CCDC102B: variants seen among roughly 807,000 people sequenced by gnomAD.
CCDC102B encodes coiled-coil domain containing 102B.
In CCDC102B, 75 loss-of-function variants were observed where a neutral mutation model predicts 57.4. That is an observed-to-expected ratio of 1.31 (90% CI 1.08 to 1.58). The LOEUF is 1.58. Ranked by LOEUF, CCDC102B falls within the 40% of genes most tolerant of loss-of-function variation. The probability of loss-of-function intolerance (pLI) is 0.00; values close to 1 mark genes in which losing one functional copy is unlikely to be tolerated. For synonymous variants in CCDC102B, 206 were observed against 201.9 expected (o/e 1.02, Z -0.17); for missense variants, 636 against 582.6 (o/e 1.09, Z -0.94).
chr18:68,813,767 T>A (rs1342659339), intron 1 of CCDC102B, among the ~76,000 whole-genome samples: 1 of 143,280 alleles, frequency 7.0e-6, no homozygotes, highest in East Asian at 2.1e-4. Context: ...CATATTAAAA[T>A]ATAATTTTAT....
At chr18:68,851,186 A>G (rs1408838112) in intron 4 of CCDC102B, among the ~76,000 whole-genome samples, 1 of 152,180 alleles carries the variant, frequency 6.6e-6, no homozygotes, top group African/African-American at 2.4e-5. Flanking sequence ...ACCTTTCTAA[A>G]CAGAGGCTAT....
At chr18:68,916,636 TA>T (rs1157324387) in intron 6 of CCDC102B, among the ~76,000 whole-genome samples, 2 of 152,164 alleles carry the variant, frequency 1.3e-5, no homozygotes, top group Non-Finnish European at 2.9e-5. Context: ...AGATAGGGGA[TA>T]TAAGGTTGGC....
At chr18:68,867,251 A>C (rs2039032689) in intron 4 of CCDC102B, among the ~76,000 whole-genome samples, 1 of 152,102 alleles carries the variant, frequency 6.6e-6, no homozygotes, top group Admixed American at 6.5e-5. Flanking sequence ...CGGCCTCCCG[A>C]AGTGCTGGGA....
chr18:68,813,503 AAGAGG>A (rs200330722), intron 1 of CCDC102B, among the ~76,000 whole-genome samples: 1 of 151,774 alleles, frequency 6.6e-6, no homozygotes, highest in Non-Finnish European at 1.5e-5. Flanking sequence ...GAGGCCAGGA[AAGAGG>A]AGAGGAGAGG....
At chr18:68,816,093 T>C (rs1327940894) in intron 1 of CCDC102B, among the ~76,000 whole-genome samples, 1 of 152,204 alleles carries the variant, frequency 6.6e-6, no homozygotes, top group Non-Finnish European at 1.5e-5. Context: ...GAAAATGGAA[T>C]AAATTGTTAA....
intron 2 of CCDC102B, among the ~76,000 whole-genome samples, chr18:68,837,929 G>T (rs144904618): frequency 7.9e-5 from 12 of 152,026 alleles, no homozygotes; most frequent in Non-Finnish European, 4.4e-5. Context: ...AGAGAATTAA[G>T]GAATGAATCA....
At chr18:68,747,308 C>T (rs902809642) in intron 2 of CCDC102B, among the ~76,000 whole-genome samples, 1 of 152,060 alleles carries the variant, frequency 6.6e-6, no homozygotes, top group East Asian at 1.9e-4. Context: ...TTCTCTCCCA[C>T]ATATGAGGGA....
At chr18:68,759,022 A>G (rs1279310337) in intron 2 of CCDC102B, among the ~76,000 whole-genome samples, 1 of 150,552 alleles carries the variant, frequency 6.6e-6, no homozygotes, top group East Asian at 1.9e-4. Flanking sequence ...AAAAAACAAA[A>G]ACAAACAAAC....
chr18:69,027,049 A>G (rs900928334), intron 7 of CCDC102B, among the ~76,000 whole-genome samples: 4 of 152,194 alleles, frequency 2.6e-5, no homozygotes, highest in Admixed American at 1.3e-4. Flanking sequence ...AGTCTTGATT[A>G]TCACTTCTAG....
intron 6 of CCDC102B, among the ~76,000 whole-genome samples, chr18:68,988,220 G>GA (rs140492632): frequency 0.05 from 7,577 of 150,078 alleles, 631 homozygotes; most frequent in African/African-American, 0.17. Context: ...CCATAAAAGG[G>GA]AAAAAAAAAC....
At chr18:68,825,975 C>G (rs557667660) in intron 1 of CCDC102B, among the ~76,000 whole-genome samples, 1 of 152,284 alleles carries the variant, frequency 6.6e-6, no homozygotes, top group African/African-American at 2.4e-5. Flanking sequence ...TTACTGTCAT[C>G]TCTTCAGAGG....
At chr18:68,900,324 A>G (rs2040401260) in intron 6 of CCDC102B, 1 of 152,172 alleles carries the variant, frequency 6.6e-6, no homozygotes, top group South Asian at 2.1e-4. Flanking sequence ...AGGAAGAGAA[A>G]TGCAGCTCAT....
intron 1 of CCDC102B, among the ~76,000 whole-genome samples, chr18:68,822,350 C>CA (rs759033755): frequency 6.6e-6 from 1 of 151,438 alleles, no homozygotes; most frequent in South Asian, 2.1e-4. Flanking sequence ...GCTGAGATTG[C>CA]ACCACTGCAC....
intron 2 of CCDC102B, among the ~76,000 whole-genome samples, chr18:68,763,547 C>T (rs571482948): frequency 5.3e-5 from 8 of 152,176 alleles, no homozygotes; most frequent in African/African-American, 1.9e-4. Context: ...ATTTTCTGTT[C>T]TGAGAATACT....
At chr18:68,792,229 C>T (rs1234912798) in intron 2 of CCDC102B, among the ~76,000 whole-genome samples, 2 of 152,146 alleles carry the variant, frequency 1.3e-5, no homozygotes, top group Non-Finnish European at 2.9e-5. Context: ...TATTTCTAGG[C>T]CACCTCTTAA....
At position 68,719,739 on chromosome 18, in the gene CCDC102B, T is replaced by G. The variant is rs76391398; in HGVS notation, c.-67+3145T>G. Among the ~76,000 whole-genome samples the G allele has an allele frequency of 8.4e-3, 1,277 of 152,272 alleles. 21 individuals carry two copies. Among genetic ancestry groups the G allele is most frequent in the African/African-American group, 0.029 (1,203 of 41,538 alleles). ...GCTATGTGGGCATCTCTTAGCCCAGTCAAGTTGAAACATAACATTAACCAC... is the reference window on the plus strand; with the variant it reads ...GCTATGTGGGCATCTCTTAGCCCAGGCAAGTTGAAACATAACATTAACCAC... On this transcript the variant is annotated intron_variant, in intron 2 of 3. Coordinates refer to the CCDC102B transcript ENST00000578970.
At chr18:68,907,412 A>G (rs1186025810) in intron 6 of CCDC102B, among the ~76,000 whole-genome samples, 4 of 151,574 alleles carry the variant, frequency 2.6e-5, no homozygotes, top group Non-Finnish European at 5.9e-5. Flanking sequence ...TAACAGTTTA[A>G]TGTTACGTAT....
intron 6 of CCDC102B, among the ~76,000 whole-genome samples, chr18:68,913,344 G>GT (rs1555725389): frequency 1.1e-4 from 17 of 150,208 alleles, no homozygotes; most frequent in Middle Eastern, 3.4e-3. Context: ...GTGTGTGTGT[G>GT]GTCCTACTTT....
chr18:68,844,855 G>C (rs1369877900), intron 3 of CCDC102B, among the ~76,000 whole-genome samples: 1 of 151,864 alleles, frequency 6.6e-6, no homozygotes, highest in Non-Finnish European at 1.5e-5. Context: ...ATCTGAAATT[G>C]TGACCGCTGT....
Sources: allele counts gnomAD v4.1 joint callset (sites outside exome capture counted in the v4.1 genomes callset), GRCh38; gene constraint gnomAD v4.1.1; transcripts MANE v1.5; gene names NCBI Gene and HGNC (gene_info 2026-07-23, HGNC 2026-07-21).